DSCAM: variants seen among roughly 807,000 people sequenced by gnomAD.
DSCAM encodes the protein DS cell adhesion molecule.
DSCAM carries 47 observed loss-of-function variants against 217.7 expected under a neutral mutation model. The ratio of observed to expected loss-of-function variants is 0.22; its 90% CI spans 0.17 to 0.28. The LOEUF (loss-of-function observed/expected upper bound fraction) is 0.28. Ranked by LOEUF, DSCAM falls within the 10% of genes least tolerant of loss-of-function variation. The pLI, the probability that DSCAM is intolerant of heterozygous loss-of-function variation, is 1.00. For missense variants in DSCAM, 2,080 were observed against 2,618.3 expected (o/e 0.79, Z 4.49); for synonymous variants, 1,056 against 1,015.3 (o/e 1.04, Z -0.76).
At position 40,844,328 on chromosome 21, in the gene DSCAM, C is replaced by G. The variant is rs113670817; in HGVS notation, c.43+2291G>C. Among the ~76,000 whole-genome samples, 272 of 152,300 alleles carry G rather than the reference C, an allele frequency of 1.8e-3. 3 individuals are homozygous for G. Among genetic ancestry groups the G allele is most frequent in the Middle Eastern group, 6.8e-3 (2 of 294 alleles). On this transcript the variant is annotated intron_variant, in intron 1 of 32. Transcript: ENST00000400454. ...TGTTTAAAGCTGATTTCCCCTCCCCCCTTCAAAGATCCTAAAGCTTTACAG... is the reference window on the plus strand; with the variant it reads ...TGTTTAAAGCTGATTTCCCCTCCCCGCTTCAAAGATCCTAAAGCTTTACAG...
chr21:40,118,504 T>G (rs888870268), intron 20 of DSCAM, among the ~76,000 whole-genome samples: 24 of 152,070 alleles, frequency 1.6e-4, no homozygotes, highest in Non-Finnish European at 5.9e-5. Flanking sequence ...GGAGAATCGT[T>G]TGAACCTGGG....
chr21:40,541,983 G>A (rs1276565401), intron 3 of DSCAM, among the ~76,000 whole-genome samples: 1 of 152,124 alleles, frequency 6.6e-6, no homozygotes, highest in Non-Finnish European at 1.5e-5. Context: ...ATAGATCAGT[G>A]GCTGAAAGCA....
At chr21:40,568,298 A>G (rs2076780606) in intron 3 of DSCAM, among the ~76,000 whole-genome samples, 3 of 152,184 alleles carry the variant, frequency 2.0e-5, no homozygotes, top group African/African-American at 7.2e-5. Flanking sequence ...GTGTGTTAGT[A>G]TGGTTCAAAT....
intron 15 of DSCAM, among the ~76,000 whole-genome samples, chr21:40,177,411 G>C (rs1403660374): frequency 1.3e-5 from 2 of 152,156 alleles, no homozygotes; most frequent in Non-Finnish European, 2.9e-5. Context: ...TCAGCCTAAA[G>C]ATCTTCTGTC....
chr21:40,298,072 G>T (rs1252229415), intron 9 of DSCAM, among the ~76,000 whole-genome samples: 2 of 147,582 alleles, frequency 1.4e-5, no homozygotes, highest in African/African-American at 5.2e-5. Context: ...ATGCAGGTAT[G>T]TTTAGCTTTT....
chr21:40,296,037 G>A lies in DSCAM; in HGVS notation c.2182+18C>T, dbSNP rs1280819069. 1 of 1,609,296 alleles carries A rather than the reference G, an allele frequency of 6.2e-7. No homozygotes were observed. The highest frequency in any genetic ancestry group is 1.7e-5 in the Admixed American group (1 of 59,042). The stretch of plus-strand genomic sequence containing the variant: ...GCAAATGTTTGACAGGTAACAAGTA[G>A]ATCAAGTAACTCCATACCTTTAGAG... On this transcript the variant is annotated intron_variant, in intron 10 of 32. Transcript: ENST00000400454.
chr21:40,276,015 T>A, intron 11 of DSCAM, 82 bp downstream of exon 11: 1 of 1,391,144 alleles, frequency 7.2e-7, no homozygotes, highest in Non-Finnish European at 9.6e-7. Context: ...TAAACAGGTA[T>A]GTATGGAGAC....
intron 3 of DSCAM, among the ~76,000 whole-genome samples, chr21:40,610,375 T>C (rs144448015): frequency 9.5e-4 from 145 of 152,218 alleles, no homozygotes; most frequent in African/African-American, 3.3e-3. Flanking sequence ...ACTAGAGAAA[T>C]AAGGCAAACC....
At chr21:40,736,606 G>A (rs1268765661) in intron 1 of DSCAM, among the ~76,000 whole-genome samples, 3 of 152,112 alleles carry the variant, frequency 2.0e-5, no homozygotes, top group African/African-American at 4.8e-5. Flanking sequence ...CCATCCTGAA[G>A]GTATCTAGGG....
intron 32 of DSCAM, among the ~76,000 whole-genome samples, chr21:40,025,315 T>C (rs2088356930): frequency 1.4e-5 from 2 of 141,634 alleles, no homozygotes; most frequent in African/African-American, 2.7e-5. Flanking sequence ...TCATCAAGGA[T>C]ATTGGTCTAA....
intron 3 of DSCAM, among the ~76,000 whole-genome samples, chr21:40,634,311 C>T (rs1401159507): frequency 6.6e-6 from 1 of 152,134 alleles, no homozygotes; most frequent in Non-Finnish European, 1.5e-5. Context: ...CAGCGGTTGG[C>T]AGTAGGCATA....
intron 19 of DSCAM, among the ~76,000 whole-genome samples, chr21:40,132,781 C>T (rs371358806): frequency 6.6e-6 from 1 of 152,104 alleles, no homozygotes; most frequent in Non-Finnish European, 1.5e-5. Flanking sequence ...AAGAGAAGAG[C>T]GTATCATGGC....
chr21:40,342,464 A>G (rs1286221493), intron 6 of DSCAM, among the ~76,000 whole-genome samples: 1 of 151,618 alleles, frequency 6.6e-6, no homozygotes, highest in African/African-American at 2.4e-5. Context: ...GTTGCTTTAT[A>G]CTTTATATTC....
At chr21:40,242,476 G>T (rs2073166819) in intron 11 of DSCAM, among the ~76,000 whole-genome samples, 1 of 152,198 alleles carries the variant, frequency 6.6e-6, no homozygotes, top group African/African-American at 2.4e-5. Flanking sequence ...CCCAGGAAAT[G>T]TGAGCAGAAG....
intron 1 of DSCAM, among the ~76,000 whole-genome samples, chr21:40,822,671 A>G (rs897755782): frequency 6.6e-6 from 1 of 152,168 alleles, no homozygotes; most frequent in African/African-American, 2.4e-5. Flanking sequence ...AACATTAGTA[A>G]CATTCTGTAT....
At chr21:40,245,595 T>C (rs1569020742) in intron 11 of DSCAM, among the ~76,000 whole-genome samples, 1 of 152,180 alleles carries the variant, frequency 6.6e-6, no homozygotes, top group Non-Finnish European at 1.5e-5. Flanking sequence ...ATCTCTGCTT[T>C]TCACCCTTTC....
rs75560448 is a variant in DSCAM at position 40,253,382 on chromosome 21, C to T, written c.2356+22715G>A. ...TATATCTGGTCTTTGTTCCTGGTTCCGGGACAGAGCTTCAAAACCTCTTGG... is the reference window on the plus strand; with the variant it reads ...TATATCTGGTCTTTGTTCCTGGTTCTGGGACAGAGCTTCAAAACCTCTTGG... On this transcript the variant is annotated intron_variant, in intron 11 of 32. Coordinates refer to ENST00000400454, the MANE Select transcript of DSCAM (RefSeq NM_001389.5). 6.2e-3 allele frequency among the ~76,000 whole-genome samples: 951 copies of T among 152,204 alleles called. 4 individuals are homozygous for T. The highest frequency in any genetic ancestry group is 0.027 in the Middle Eastern group (8 of 294).
At chr21:40,307,892 A>G (rs900603889) in intron 9 of DSCAM, among the ~76,000 whole-genome samples, 26 of 143,680 alleles carry the variant, frequency 1.8e-4, no homozygotes, top group Non-Finnish European at 3.5e-4. Flanking sequence ...ATGAGAACAC[A>G]TGGACACAGG....
chr21:40,493,688 C>G (rs535949625), intron 3 of DSCAM, among the ~76,000 whole-genome samples: 74 of 151,462 alleles, frequency 4.9e-4, no homozygotes, highest in African/African-American at 1.6e-3. Flanking sequence ...ATGGTGAAAC[C>G]CTGTTTCTAC....
Sources: allele counts gnomAD v4.1 joint callset (sites outside exome capture counted in the v4.1 genomes callset), GRCh38; gene constraint gnomAD v4.1.1; transcripts MANE v1.5; gene names NCBI Gene and HGNC (gene_info 2026-07-23, HGNC 2026-07-21).